Variants in RBFOX1 observed in about 807,000 individuals in gnomAD.
RBFOX1 encodes the protein RNA binding protein fox-1 homolog 1.
A neutral mutation model predicts 57.7 loss-of-function variants in RBFOX1; 8 were observed. That is an observed-to-expected ratio of 0.14 (90% CI 0.08 to 0.25). The LOEUF is 0.25. Ranked by LOEUF, RBFOX1 falls within the 10% of genes least tolerant of loss-of-function variation. RBFOX1 has a pLI of 1.00. For synonymous variants in RBFOX1, 326 were observed against 222.4 expected, an observed-to-expected ratio of 1.47 and a Z score of -4.15; for missense variants, 611 against 548.5, an observed-to-expected ratio of 1.11 and a Z score of -1.14.
intron 10 of RBFOX1, among the ~76,000 whole-genome samples, chr16:7,615,480 G>A (rs2058292081): frequency 1.3e-5 from 2 of 152,164 alleles, no homozygotes; most frequent in Non-Finnish European, 2.9e-5. Flanking sequence ...TCGATTTGCA[G>A]GTAAATTAGA....
intron 3 of RBFOX1, among the ~76,000 whole-genome samples, chr16:5,740,527 G>A (rs764186178): frequency 2.0e-5 from 3 of 152,204 alleles, no homozygotes; most frequent in Non-Finnish European, 4.4e-5. Context: ...TTGATTACAC[G>A]TGACTGAAAA....
chr16:5,926,527 A>C (rs1276978204), intron 4 of RBFOX1, among the ~76,000 whole-genome samples: 1 of 152,128 alleles, frequency 6.6e-6, no homozygotes, highest in Admixed American at 6.5e-5. Flanking sequence ...TGCCAATGTG[A>C]CTGTAGCCCA....
chr16:7,665,647 G>T (rs1159314317), intron 13 of RBFOX1, among the ~76,000 whole-genome samples: 1 of 152,084 alleles, frequency 6.6e-6, no homozygotes, highest in Non-Finnish European at 1.5e-5. Context: ...TTCATCTAGA[G>T]GTAGTTATTC....
At chr16:6,724,207 C>CTTT (rs766088068) in intron 3 of RBFOX1, among the ~76,000 whole-genome samples, 9 of 141,566 alleles carry the variant, frequency 6.4e-5, no homozygotes, top group African/African-American at 1.6e-4. Flanking sequence ...AGGCATCTTC[C>CTTT]ATTTTTTTTT....
chr16:6,324,313 G>T (rs1159877356), intron 2 of RBFOX1, among the ~76,000 whole-genome samples: 1 of 152,186 alleles, frequency 6.6e-6, no homozygotes, highest in Non-Finnish European at 1.5e-5. Flanking sequence ...CTAGAATGGA[G>T]TGTCAATTTG....
intron 1 of RBFOX1, among the ~76,000 whole-genome samples, chr16:5,277,163 G>A (rs1270831522): frequency 6.6e-6 from 1 of 152,068 alleles, no homozygotes; most frequent in Non-Finnish European, 1.5e-5. Context: ...ATAGCAACCT[G>A]GATGGAGTTG....
In RBFOX1 at chr16:6,670,296, C is replaced by T. The variant is rs570076859; in HGVS notation, c.-16+15646C>T. On this transcript the variant is annotated intron_variant, in intron 3 of 15. Coordinates refer to ENST00000550418, the MANE Select transcript of RBFOX1 (RefSeq NM_018723.4). The stretch of plus-strand genomic sequence containing the variant: ...TGTTGTCCAGGCTGGCTTCCAAGTC[C>T]GGAGCTCAAGCAGTCCTTCCATCTT... Among the ~76,000 whole-genome samples, 32 of 152,062 alleles carry T rather than the reference C, an allele frequency of 2.1e-4. No homozygotes were observed. In the East Asian group the frequency reaches 3.7e-3, roughly 18 times the overall value.
At chr16:6,552,971 A>T (rs1279025936) in intron 2 of RBFOX1, among the ~76,000 whole-genome samples, 2 of 152,172 alleles carry the variant, frequency 1.3e-5, no homozygotes, top group Admixed American at 1.3e-4. Context: ...TTTAAAAAGT[A>T]TCTAAAGAAA....
chr16:7,452,413 G>C (rs1056615092), intron 4 of RBFOX1, among the ~76,000 whole-genome samples: 4 of 152,210 alleles, frequency 2.6e-5, no homozygotes, highest in South Asian at 4.1e-4. Context: ...AGAATGGCCA[G>C]TTGCTTCATA....
chr16:6,257,846 C>A (rs986260050), intron 1 of RBFOX1, among the ~76,000 whole-genome samples: 1 of 152,084 alleles, frequency 6.6e-6, no homozygotes, highest in Admixed American at 6.5e-5. Flanking sequence ...TAGGTTGTTT[C>A]CATGTCTTTT....
intron 3 of RBFOX1, among the ~76,000 whole-genome samples, chr16:5,632,970 A>C: frequency 5.6e-5 from 7 of 124,420 alleles, no homozygotes; most frequent in East Asian, 4.5e-4. Context: ...GTGGAGTCTC[A>C]CTCTGTCACC....
intron 1 of RBFOX1, among the ~76,000 whole-genome samples, chr16:5,431,265 T>G (rs1438657465): frequency 6.6e-6 from 1 of 152,242 alleles, no homozygotes; most frequent in Non-Finnish European, 1.5e-5. Flanking sequence ...ACTGCAGTCT[T>G]CTTTTTGCGC....
rs79545770 is a variant in RBFOX1, at chr16:7,259,511, G to C, written c.27+207413G>C. ...GATACAAATACTGCTTTGAACACTG[G>C]GAACATCATTTACTGAGAGAAACAG... is the stretch of plus-strand genomic sequence containing the variant. On this transcript the variant is annotated intron_variant, in intron 4 of 15. Coordinates refer to ENST00000550418, the MANE Select transcript of RBFOX1 (RefSeq NM_018723.4). Among the ~76,000 whole-genome samples the C allele has an allele frequency of 2.0e-3, 296 of 151,572 alleles. 3 individuals are homozygous for C. The highest frequency in any genetic ancestry group is 7.0e-3 in the African/African-American group (291 of 41,334).
chr16:7,704,763 C>T (rs1278239460), intron 14 of RBFOX1, among the ~76,000 whole-genome samples: 1 of 152,158 alleles, frequency 6.6e-6, no homozygotes, highest in African/African-American at 2.4e-5. Flanking sequence ...AAAATAAGAG[C>T]AGTCAGGCTG....
In RBFOX1 at chr16:6,080,169, C is replaced by T; in HGVS notation, c.-127+60177C>T. Among the ~76,000 whole-genome samples the T allele has an allele frequency of 1.3e-5, 2 of 152,140 alleles. 1 individual carries two copies. The highest frequency in any genetic ancestry group is 2.9e-5 in the Non-Finnish European group (2 of 68,012). On this transcript the variant is annotated intron_variant, in intron 1 of 15. Transcript: ENST00000550418. ...GGGGAGAGGCAAGGAGAGAGCGTGG[C>T]AGGTTCAGGGTTTGCCATCCCAATC...
At chr16:6,431,900 T>TTGCTTGCTTTCTTG (rs1567258053) in intron 2 of RBFOX1, among the ~76,000 whole-genome samples, 1 of 71,540 alleles carries the variant, frequency 1.4e-5, no homozygotes, top group African/African-American at 5.4e-5. Context: ...TTGCTTGCTT[T>TTGCTTGCTTTCTTG]CTTTCTTTCT....
At chr16:7,180,555 A>G (rs2082496382) in intron 4 of RBFOX1, among the ~76,000 whole-genome samples, 1 of 152,140 alleles carries the variant, frequency 6.6e-6, no homozygotes, top group Non-Finnish European at 1.5e-5. Flanking sequence ...GGGCTGATAA[A>G]TGAGGTGACA....
At chr16:6,665,686 T>C (rs937745103) in intron 3 of RBFOX1, among the ~76,000 whole-genome samples, 11 of 152,126 alleles carry the variant, frequency 7.2e-5, no homozygotes, top group Admixed American at 2.6e-4. Flanking sequence ...TGATATTTTT[T>C]TTCCAGAAAG....
Position 5,548,178 on chromosome 16 carries a change from T to A in RBFOX1, c.259-50724T>A, listed in dbSNP as rs1176070493. Among the ~76,000 whole-genome samples, 125 of 42,946 alleles carry A rather than the reference T, an allele frequency of 2.9e-3. 1 individual carries two copies. Among genetic ancestry groups the A allele is most frequent in the African/African-American group, 7.4e-3 (109 of 14,734 alleles). 28.2% of individuals were successfully genotyped at this position (42,946 alleles called of 152,430 possible). A position where few individuals can be genotyped will look rare whatever the true frequency, so the allele number is the denominator to read the frequency against. ...TCTGTTAAAAAAAAAAAAAAAAATA[T>A]ATATATATATATATATATATATATA... On this transcript the variant is annotated intron_variant, in intron 2 of 2. Coordinates refer to the RBFOX1 transcript ENST00000585867.
Sources: allele counts gnomAD v4.1 joint callset (sites outside exome capture counted in the v4.1 genomes callset), GRCh38; gene constraint gnomAD v4.1.1; transcripts MANE v1.5; gene names NCBI Gene and HGNC (gene_info 2026-07-23, HGNC 2026-07-21).